The following UTS2B variants were observed in gnomAD, a reference collection of about 807,000 sequenced individuals.
UTS2B encodes urotensin 2B, also known as urotensin-2B.
In UTS2B, 21 loss-of-function variants were observed where a neutral mutation model predicts 19.2. The ratio of observed to expected loss-of-function variants is 1.09; its 90% CI spans 0.78 to 1.58. UTS2B has a LOEUF of 1.58. Among genes scored for constraint, UTS2B ranks in the 40% most tolerant of loss-of-function variants. The pLI, the probability that UTS2B is intolerant of heterozygous loss-of-function variation, is 0.00. For missense variants in UTS2B, 138 were observed against 130.3 expected (o/e 1.06, Z -0.29); for synonymous variants, 57 against 50.2 (o/e 1.14, Z -0.58).
the UTS2B span, among the ~76,000 whole-genome samples, chr3:191,337,434 G>A: frequency 6.6e-6 from 1 of 150,854 alleles, no homozygotes; most frequent in African/African-American, 2.4e-5. Context: ...TAGCTCTGAC[G>A]CCCAGGCTCG....
intron 7 of UTS2B, among the ~76,000 whole-genome samples, chr3:191,276,103 C>G (rs982919173): frequency 2.0e-5 from 3 of 152,084 alleles, no homozygotes; most frequent in Admixed American, 6.5e-5. Context: ...TATTTTGAGG[C>G]CTTAAGGTTT....
At chr3:191,305,913 A>G (rs1717125200) in intron 3 of UTS2B, among the ~76,000 whole-genome samples, 3 of 152,166 alleles carry the variant, frequency 2.0e-5, no homozygotes, top group African/African-American at 7.2e-5. Context: ...CATTTATTAA[A>G]TAAGACTTTT....
intron 4 of UTS2B, among the ~76,000 whole-genome samples, chr3:191,297,678 A>T (rs1209757495): frequency 1.3e-5 from 2 of 152,200 alleles, no homozygotes; most frequent in Admixed American, 1.3e-4. Context: ...TCATTGCACT[A>T]CACAACTTCT....
chr3:191,279,320 C>T (rs533310806), intron 5 of UTS2B, among the ~76,000 whole-genome samples: 4 of 152,008 alleles, frequency 2.6e-5, no homozygotes, highest in South Asian at 4.2e-4. Context: ...TTTTGCTCAG[C>T]ATCAATTATA....
At chr3:191,292,956 A>G (rs979486975) in intron 4 of UTS2B, among the ~76,000 whole-genome samples, 4 of 152,170 alleles carry the variant, frequency 2.6e-5, no homozygotes, top group Admixed American at 6.5e-5. Context: ...GTGAGCAGGT[A>G]TCGCACACTG....
intron 2 of UTS2B, among the ~76,000 whole-genome samples, chr3:191,319,540 G>T (rs372459711): frequency 9.2e-5 from 14 of 152,092 alleles, no homozygotes; most frequent in African/African-American, 3.4e-4. Context: ...TAAGGTATAG[G>T]TTCTTTTTTT....
intron 2 of UTS2B, among the ~76,000 whole-genome samples, chr3:191,319,908 T>A (rs2108611864): frequency 6.6e-6 from 1 of 151,758 alleles, no homozygotes; most frequent in East Asian, 1.9e-4. Flanking sequence ...TTAAAAACCT[T>A]ACTTTTTGGA....
At chr3:191,333,696 G>A (rs1718058868), upstream of UTS2B, among the ~76,000 whole-genome samples, 1 of 151,772 alleles carries the variant, frequency 6.6e-6, no homozygotes, top group African/African-American at 2.4e-5. Flanking sequence ...ATAAATGAAT[G>A]AGTGAATGAA....
At chr3:191,283,710 T>G (rs2108576893) in intron 4 of UTS2B, among the ~76,000 whole-genome samples, 1 of 152,310 alleles carries the variant, frequency 6.6e-6, no homozygotes, top group Non-Finnish European at 1.5e-5. Context: ...TATAACCCCC[T>G]TAAACTTTAC....
At chr3:191,279,598 C>T (rs193218081) in intron 5 of UTS2B, among the ~76,000 whole-genome samples, 1 of 151,832 alleles carries the variant, frequency 6.6e-6, no homozygotes, top group East Asian at 1.9e-4. Flanking sequence ...AAGCTTTTTT[C>T]CCCTTAATTC....
intron 2 of UTS2B, among the ~76,000 whole-genome samples, chr3:191,318,250 C>A (rs1717519571): frequency 6.6e-6 from 1 of 152,192 alleles, no homozygotes; most frequent in African/African-American, 2.4e-5. Context: ...TATAGTTTCA[C>A]CAGACTTCTC....
intron 1 of UTS2B, chr3:191,329,008 G>A (rs1717833260): frequency 6.6e-6 from 1 of 152,274 alleles, no homozygotes; most frequent in Admixed American, 6.5e-5. Context: ...ATGAGAGAGA[G>A]GCAAGCATGC....
intron 3 of UTS2B, among the ~76,000 whole-genome samples, chr3:191,306,830 C>A (rs1653578924): frequency 6.6e-6 from 1 of 152,158 alleles, no homozygotes; most frequent in African/African-American, 2.4e-5. Flanking sequence ...CAGAGTTTCA[C>A]CGTGTTGGCC....
At chr3:191,342,384 A>C in the UTS2B span, among the ~76,000 whole-genome samples, 1 of 152,082 alleles carries the variant, frequency 6.6e-6, no homozygotes, top group Non-Finnish European at 1.5e-5. Flanking sequence ...TACTACTCCT[A>C]ATAGGAAGGA....
the UTS2B span, among the ~76,000 whole-genome samples, chr3:191,345,480 T>C: frequency 6.6e-6 from 1 of 152,226 alleles, no homozygotes; most frequent in Non-Finnish European, 1.5e-5. Flanking sequence ...TCATTTGTGC[T>C]GTCAGATGGA....
chr3:191,339,839 G>A, the UTS2B span, among the ~76,000 whole-genome samples: 1 of 152,132 alleles, frequency 6.6e-6, no homozygotes, highest in Non-Finnish European at 1.5e-5. Flanking sequence ...TTTTTAAAAG[G>A]CACCAGGTTG....
chr3:191,324,760 A>G (rs993208810), intron 2 of UTS2B, among the ~76,000 whole-genome samples: 1 of 152,158 alleles, frequency 6.6e-6, no homozygotes, highest in Non-Finnish European at 1.5e-5. Flanking sequence ...CAGAATAAGG[A>G]AGTCAAGGCC....
intron 4 of UTS2B, among the ~76,000 whole-genome samples, chr3:191,301,636 G>C (rs1045769916): frequency 2.0e-5 from 3 of 151,896 alleles, no homozygotes; most frequent in Non-Finnish European, 4.4e-5. Context: ...ACAGGCGCCC[G>C]CCACCATGCC....
rs1331086077 is a variant in UTS2B, at chr3:191,282,258, T to A, written c.-69A>T. 6.5e-6 allele frequency: 8 copies of A among 1,234,458 alleles called. No homozygotes were observed. The highest frequency in any genetic ancestry group is 9.2e-6 in the Non-Finnish European group (8 of 873,098). 76.5% of individuals were successfully genotyped at this position (1,234,458 alleles called of 1,614,324 possible). A position where few individuals can be genotyped will look rare whatever the true frequency, so the allele number is the denominator to read the frequency against. On this transcript the variant is annotated 5_prime_UTR_variant, in exon 5 of 9. Coordinates refer to ENST00000340524, the MANE Select transcript of UTS2B (RefSeq NM_198152.5). ...GGTCAAGATGGATATTTCTATAGCT[T>A]TGGAATTCAGTAGAGCTTAGTTGCA...
Sources: allele counts gnomAD v4.1 joint callset (sites outside exome capture counted in the v4.1 genomes callset), GRCh38; gene constraint gnomAD v4.1.1; transcripts MANE v1.5; gene names NCBI Gene and HGNC (gene_info 2026-07-23, HGNC 2026-07-21).